PALS1: variants seen among roughly 807,000 people sequenced by gnomAD.
The protein encoded by PALS1 is protein associated with LIN7 1, MAGUK p55 family member, also known as protein PALS1.
In PALS1, 31 loss-of-function variants were observed where a neutral mutation model predicts 78.9. That is an observed-to-expected ratio of 0.39 (90% CI 0.30 to 0.53). PALS1 has a LOEUF of 0.53. Ranked by LOEUF, PALS1 falls within the 20% of genes least tolerant of loss-of-function variation. PALS1 has a pLI of 0.67. For missense variants in PALS1, 704 were observed against 826.5 expected, an observed-to-expected ratio of 0.85 and a Z score of 1.82; for synonymous variants, 276 against 270.9, an observed-to-expected ratio of 1.02 and a Z score of -0.18.
intron 10 of PALS1, 55 bp downstream of exon 10, chr14:67,316,958 C>A: frequency 7.1e-7 from 1 of 1,404,864 alleles, no homozygotes; most frequent in Non-Finnish European, 9.9e-7. Context: ...TCATCTGGAG[C>A]CATGTGTGAA....
In PALS1 at chr14:67,275,102, A is replaced by G. The variant is rs562068092; in HGVS notation, c.-153-3916A>G. Among the ~76,000 whole-genome samples, 5 of 152,220 alleles carry G rather than the reference A, an allele frequency of 3.3e-5. No homozygotes were observed. In the East Asian group the frequency reaches 9.7e-4, roughly 29 times the overall value. ...TGACTTCCTCTTTTCCTAATTGAAT[A>G]CCCTTTATTTCTTTCTCCTGCCCGA... On this transcript the variant is annotated intron_variant, in intron 2 of 14. Transcript: ENST00000261681.
intron 1 of PALS1, among the ~76,000 whole-genome samples, chr14:67,247,871 G>C (rs1420799583): frequency 1.3e-5 from 2 of 152,110 alleles, no homozygotes; most frequent in African/African-American, 4.8e-5. Context: ...GAGTCACAGT[G>C]CCTGGCTTCT....
At chr14:67,313,899 T>C (rs2085130731) in intron 9 of PALS1, among the ~76,000 whole-genome samples, 1 of 152,128 alleles carries the variant, frequency 6.6e-6, no homozygotes. Flanking sequence ...GTCTTATTTG[T>C]TTTAAATCCA....
At chr14:67,261,720 A>G (rs1039309957) in intron 1 of PALS1, among the ~76,000 whole-genome samples, 3 of 152,026 alleles carry the variant, frequency 2.0e-5, no homozygotes, top group East Asian at 3.9e-4. Flanking sequence ...ATTCACACAC[A>G]TATCTACCAT....
chr14:67,323,138 A>G (rs1452863462), intron 13 of PALS1, among the ~76,000 whole-genome samples: 3 of 151,962 alleles, frequency 2.0e-5, no homozygotes, highest in Non-Finnish European at 2.9e-5. Context: ...AGTATCATTC[A>G]CTTACATTTC....
chr14:67,320,209 C>T, intron 11 of PALS1, 21 bp from the exon 12 acceptor site: 1 of 1,598,000 alleles, frequency 6.3e-7, no homozygotes, highest in Non-Finnish European at 8.5e-7. Context: ...GTTTGAAGAG[C>T]TTAACTTTTT....
intron 8 of PALS1, among the ~76,000 whole-genome samples, 167 bp downstream of exon 8, chr14:67,303,766 CCTT>C (rs1478050718): frequency 6.6e-6 from 1 of 152,042 alleles, no homozygotes; most frequent in Non-Finnish European, 1.5e-5. Context: ...AAACTCTGCA[CCTT>C]TTTTTTTGGA....
chr14:67,301,817 C>T (rs1240209224), intron 5 of PALS1, among the ~76,000 whole-genome samples, 155 bp from the exon 6 acceptor site: 1 of 152,014 alleles, frequency 6.6e-6, no homozygotes, highest in African/African-American at 2.4e-5. Context: ...CAGAGTATGC[C>T]CTTAGTATAC....
In PALS1 at chr14:67,302,039, G is replaced by T; in HGVS notation, c.722G>T (p.Arg241Ile). ...CAGCTAGAGCCCATTACAGATGAGA[G>T]AGTTTATGAAAGTATTGGCCAGTAT... Reference protein sequence around the residue: ...EMQLEPITDERVYESIGQYGG... With the variant: ...EMQLEPITDEIVYESIGQYGG... The change falls in exon 6 of 15, where the codon AGA becomes ATA. Residue 241 changes from arginine (R) to isoleucine (I), a missense_variant. Coordinates refer to ENST00000261681, the MANE Select transcript of PALS1 (RefSeq NM_022474.4). 1 of 1,610,760 alleles carries T rather than the reference G, an allele frequency of 6.2e-7. No homozygotes were observed. Among genetic ancestry groups the T allele is most frequent in the Non-Finnish European group, 8.5e-7 (1 of 1,178,408 alleles).
intron 11 of PALS1, among the ~76,000 whole-genome samples, chr14:67,318,227 T>C (rs2085207753): frequency 6.6e-6 from 1 of 152,190 alleles, no homozygotes; most frequent in Non-Finnish European, 1.5e-5. Context: ...TTTGAAATAT[T>C]TGGGAGCAGC....
chr14:67,284,523 C>A (rs2084650620), intron 3 of PALS1, among the ~76,000 whole-genome samples: 1 of 118,188 alleles, frequency 8.5e-6, no homozygotes, highest in Admixed American at 1.1e-4. Flanking sequence ...GAGCTTTGAG[C>A]CCAGGAGATC....
At chr14:67,243,177 A>G (rs1276065652) in intron 1 of PALS1, among the ~76,000 whole-genome samples, 3 of 152,004 alleles carry the variant, frequency 2.0e-5, no homozygotes, top group Non-Finnish European at 4.4e-5. Flanking sequence ...GCTTATATAG[A>G]ATATAATTGT....
intron 14 of PALS1, among the ~76,000 whole-genome samples, chr14:67,330,540 C>T (rs1047807962): frequency 2.5e-4 from 37 of 150,126 alleles, no homozygotes; most frequent in African/African-American, 9.1e-4. Flanking sequence ...CTCACTGCAA[C>T]CTCTGCCTCC....
At position 67,279,066 on chromosome 14, in the gene PALS1, G is replaced by C. The variant is rs1567516903; in HGVS notation, c.-105G>C. On this transcript the variant is annotated 5_prime_UTR_variant, in exon 3 of 15. Transcript: ENST00000261681. ...ATAGCATTATTATGTGATGTGAGAA[G>C]TTTTTTTTTTTGAAGTAACATGGAT... 1 of 857,330 alleles carries C rather than the reference G, an allele frequency of 1.2e-6. No individual in the cohort carries two copies. The highest frequency in any genetic ancestry group is 1.6e-6 in the Non-Finnish European group (1 of 625,762). 53.1% of individuals were successfully genotyped at this position (857,330 alleles called of 1,614,324 possible).
chr14:67,297,836 C>T (rs1157647038), intron 4 of PALS1, among the ~76,000 whole-genome samples: 1 of 152,158 alleles, frequency 6.6e-6, no homozygotes, highest in Non-Finnish European at 1.5e-5. Flanking sequence ...AGATATGAAG[C>T]TGAATAAGAT....
At chr14:67,320,500 T>G in intron 12 of PALS1, 103 bp downstream of exon 12, 1 of 1,095,804 alleles carries the variant, frequency 9.1e-7, no homozygotes, top group Non-Finnish European at 1.2e-6. Context: ...ATTAAAACAC[T>G]GTTGTCAGTG....
chr14:67,279,053 T>C lies in PALS1; in HGVS notation c.-118T>C. 1.0e-6 allele frequency: 1 copy of C among 957,404 alleles called. No individual in the cohort carries two copies. Among genetic ancestry groups the C allele is most frequent in the Non-Finnish European group, 1.5e-6 (1 of 678,966 alleles). The allele number at this position is 957,404 out of a possible 1,614,324, so 59.3% of individuals were successfully genotyped here. On this transcript the variant is annotated 5_prime_UTR_variant, in exon 3 of 15. It removes an upstream start codon present in the reference 5' UTR. Transcript: ENST00000261681. ...TGGATACTTTTTCATAGCATTATTA[T>C]GTGATGTGAGAAGTTTTTTTTTTTG...
chr14:67,246,546 G>A (rs910671389), intron 1 of PALS1, among the ~76,000 whole-genome samples: 1 of 151,548 alleles, frequency 6.6e-6, no homozygotes, highest in African/African-American at 2.4e-5. Flanking sequence ...TCCCTATATT[G>A]CCCAAGCTGG....
chr14:67,256,225 T>C (rs2084143179), intron 1 of PALS1, among the ~76,000 whole-genome samples: 1 of 152,162 alleles, frequency 6.6e-6, no homozygotes, highest in Non-Finnish European at 1.5e-5. Flanking sequence ...CTTCTGAATA[T>C]TTTGTTAATA....
Sources: allele counts gnomAD v4.1 joint callset (sites outside exome capture counted in the v4.1 genomes callset), GRCh38; gene constraint gnomAD v4.1.1; transcripts MANE v1.5; gene names NCBI Gene and HGNC (gene_info 2026-07-23, HGNC 2026-07-21).